GALNT17: variants seen among roughly 807,000 people sequenced by gnomAD.
GALNT17 encodes UDP-GalNAc:polypeptide N-acetylgalactosaminyltransferase-like 3.
A neutral mutation model predicts 63.7 loss-of-function variants in GALNT17; 29 were observed. The ratio of observed to expected loss-of-function variants is 0.46; its 90% CI spans 0.34 to 0.62. GALNT17 has a LOEUF of 0.62. GALNT17 is among the 20% of genes least tolerant of loss of function. The pLI, the probability that GALNT17 is intolerant of heterozygous loss-of-function variation, is 0.01. For missense variants in GALNT17, 603 were observed against 799.6 expected (o/e 0.75, Z 2.97); for synonymous variants, 305 against 318.3 (o/e 0.96, Z 0.45).
chr7:71,536,977 C>T (rs1364458842), intron 5 of GALNT17, among the ~76,000 whole-genome samples: 1 of 152,122 alleles, frequency 6.6e-6, no homozygotes, highest in African/African-American at 2.4e-5. Flanking sequence ...CCTGAACATA[C>T]CATGCGCATT....
intron 1 of GALNT17, among the ~76,000 whole-genome samples, chr7:71,241,213 C>T (rs1789989942): frequency 1.3e-5 from 2 of 152,206 alleles, no homozygotes; most frequent in South Asian, 2.1e-4. Context: ...CTTTCTCACT[C>T]TTTCTCTCCT....
At chr7:71,279,267 T>C (rs535360426) in intron 1 of GALNT17, among the ~76,000 whole-genome samples, 1 of 152,132 alleles carries the variant, frequency 6.6e-6, no homozygotes, top group Non-Finnish European at 1.5e-5. Context: ...TTTCTTCTTA[T>C]GGCAGCAGGA....
intron 6 of GALNT17, among the ~76,000 whole-genome samples, chr7:71,578,668 A>T: frequency 6.6e-6 from 1 of 152,138 alleles, no homozygotes; most frequent in East Asian, 1.9e-4. Context: ...AGCCATCTGG[A>T]ATAGCCAAAG....
intron 1 of GALNT17, among the ~76,000 whole-genome samples, chr7:71,151,490 A>G (rs1164067146): frequency 3.3e-5 from 5 of 151,934 alleles, no homozygotes; most frequent in African/African-American, 2.4e-5. Flanking sequence ...GCGTGGTGGC[A>G]GGTGCCTGTA....
At chr7:71,358,266 G>A (rs1350642082) in intron 2 of GALNT17, among the ~76,000 whole-genome samples, 1 of 152,202 alleles carries the variant, frequency 6.6e-6, no homozygotes, top group Non-Finnish European at 1.5e-5. Context: ...CATGGTGGCA[G>A]GTGCCTGTAA....
At chr7:71,211,645 G>T (rs148519841) in intron 1 of GALNT17, among the ~76,000 whole-genome samples, 1 of 152,210 alleles carries the variant, frequency 6.6e-6, no homozygotes, top group Non-Finnish European at 1.5e-5. Flanking sequence ...CTAGAGACTT[G>T]TTGAATGGCC....
At chr7:71,571,449 GC>G in intron 6 of GALNT17, 47 bp downstream of exon 6, 1 of 1,518,698 alleles carries the variant, frequency 6.6e-7, no homozygotes, top group East Asian at 2.3e-5. Flanking sequence ...ATGTTTGTGA[GC>G]AGAGCGTCTT....
At chr7:71,262,062 A>C (rs1189072239) in intron 1 of GALNT17, among the ~76,000 whole-genome samples, 5 of 152,128 alleles carry the variant, frequency 3.3e-5, no homozygotes, top group Admixed American at 6.6e-5. Context: ...GATGGTGAAC[A>C]AGAATGTCAG....
intron 1 of GALNT17, among the ~76,000 whole-genome samples, chr7:71,319,606 T>A (rs1004943635): frequency 6.6e-6 from 1 of 152,188 alleles, no homozygotes; most frequent in Non-Finnish European, 1.5e-5. Context: ...GACAGCTTCA[T>A]TTGGATGTCT....
At chr7:71,517,216 C>T (rs564717780) in intron 5 of GALNT17, among the ~76,000 whole-genome samples, 3 of 152,318 alleles carry the variant, frequency 2.0e-5, no homozygotes, top group South Asian at 2.1e-4. Context: ...GCGCTCTCTT[C>T]TTGGTTTGCA....
chr7:71,232,842 G>A (rs1789817874), intron 1 of GALNT17, among the ~76,000 whole-genome samples: 1 of 152,134 alleles, frequency 6.6e-6, no homozygotes, highest in Non-Finnish European at 1.5e-5. Flanking sequence ...GGCTGTCATG[G>A]TGCTGATGGG....
intron 5 of GALNT17, among the ~76,000 whole-genome samples, chr7:71,453,733 T>G (rs1177653537): frequency 1.3e-5 from 2 of 152,346 alleles, no homozygotes; most frequent in Middle Eastern, 3.4e-3. Context: ...TGAATGAGGC[T>G]CTGAATTAAG....
chr7:71,164,937 T>G (rs17142607), intron 1 of GALNT17, among the ~76,000 whole-genome samples: 12,069 of 152,260 alleles, frequency 0.079, 606 homozygotes, highest in Middle Eastern at 0.14. Flanking sequence ...TTTCTCTTTT[T>G]GAAATAAACA....
intron 5 of GALNT17, among the ~76,000 whole-genome samples, chr7:71,564,007 G>A (rs1200128616): frequency 6.6e-6 from 1 of 152,144 alleles, no homozygotes; most frequent in East Asian, 1.9e-4. Context: ...TTACAGGCAT[G>A]AGCCACCCTG....
chr7:71,579,934 G>A (rs1364075030), intron 6 of GALNT17, among the ~76,000 whole-genome samples: 1 of 151,674 alleles, frequency 6.6e-6, no homozygotes, highest in African/African-American at 2.4e-5. Context: ...ATGCATGGAT[G>A]ATGGATGGAT....
intron 1 of GALNT17, among the ~76,000 whole-genome samples, chr7:71,248,732 T>C (rs1162837232): frequency 6.6e-6 from 1 of 152,186 alleles, no homozygotes; most frequent in Non-Finnish European, 1.5e-5. Context: ...TTTCCCCCCA[T>C]GCTTCTTTGT....
At chr7:71,549,445 G>A (rs1189341327) in intron 5 of GALNT17, among the ~76,000 whole-genome samples, 1 of 152,086 alleles carries the variant, frequency 6.6e-6, no homozygotes, top group Admixed American at 6.6e-5. Context: ...GTGCATGCCT[G>A]TAGTCCCAGC....
At chr7:71,205,687 T>A (rs1789259558) in intron 1 of GALNT17, among the ~76,000 whole-genome samples, 1 of 152,206 alleles carries the variant, frequency 6.6e-6, no homozygotes, top group Non-Finnish European at 1.5e-5. Context: ...TTTTCTTGAT[T>A]ACTTTTTCAG....
chr7:71,687,587 CA>C (rs1236093744), intron 9 of GALNT17, among the ~76,000 whole-genome samples: 1 of 152,172 alleles, frequency 6.6e-6, no homozygotes, highest in Admixed American at 6.5e-5. Flanking sequence ...ATGCCTCTCC[CA>C]TTTGATAAGA....
Sources: allele counts gnomAD v4.1 joint callset (sites outside exome capture counted in the v4.1 genomes callset), GRCh38; gene constraint gnomAD v4.1.1; transcripts MANE v1.5; gene names NCBI Gene and HGNC (gene_info 2026-07-23, HGNC 2026-07-21).